ZNF704: variants seen among roughly 807,000 people sequenced by gnomAD.
The protein encoded by ZNF704 is glucocorticoid induced gene 1.
ZNF704 carries 10 observed loss-of-function variants against 44.7 expected under a neutral mutation model. The ratio of observed to expected loss-of-function variants is 0.22; its 90% CI spans 0.14 to 0.38. The LOEUF (loss-of-function observed/expected upper bound fraction) is 0.38, where lower values mean the gene tolerates loss of function less well. Ranked by LOEUF, ZNF704 falls within the 10% of genes least tolerant of loss-of-function variation. The pLI is 1.00. For synonymous variants in ZNF704, 211 were observed against 207.6 expected (o/e 1.02, Z -0.14); for missense variants, 390 against 545.5 (o/e 0.71, Z 2.84).
At position 80,630,944 on chromosome 8, in the gene ZNF704, G is replaced by C. The variant is rs112422257; in HGVS notation, c.*10422C>G. 6.6e-6 allele frequency: 1 copy of C among 152,060 alleles called. No individual in the cohort carries two copies. The highest frequency in any genetic ancestry group is 1.9e-4 in the East Asian group (1 of 5,188). The allele number at this position is 152,060 out of a possible 1,614,324, so 9.4% of individuals were successfully genotyped here. A position where few individuals can be genotyped will look rare whatever the true frequency, so the allele number is the denominator to read the frequency against. ...TTAGTTTACACCCAGGACATTTTCA[G>C]TTATCGAAGTCATGGGACTAGTATG... On this transcript the variant is annotated 3_prime_UTR_variant, in exon 9 of 9. Transcript: ENST00000327835.
chr8:80,834,068 C>T (rs558264576), intron 1 of ZNF704, among the ~76,000 whole-genome samples: 26 of 152,210 alleles, frequency 1.7e-4, no homozygotes, highest in African/African-American at 6.3e-4. Flanking sequence ...GTGGTATATG[C>T]CTGTGGTCCC....
chr8:80,730,127 G>A (rs897484405), intron 2 of ZNF704, among the ~76,000 whole-genome samples: 2 of 152,138 alleles, frequency 1.3e-5, no homozygotes, highest in African/African-American at 4.8e-5. Context: ...AGTCACATGA[G>A]AAGGAAATAG....
Position 80,663,853 on chromosome 8 carries a change from C to T in ZNF704, c.927+962G>A, listed in dbSNP as rs546039080. The stretch of plus-strand genomic sequence containing the variant: ...GGTGATCCTCCCACACCTCAGCCTC[C>T]CAAGTAGCTGGGACTACAGGTACGC... On this transcript the variant is annotated intron_variant, in intron 6 of 8. Coordinates refer to ENST00000327835, the MANE Select transcript of ZNF704 (RefSeq NM_001033723.3). Among the ~76,000 whole-genome samples, 16 of 152,086 alleles carry T rather than the reference C, an allele frequency of 1.1e-4. No homozygotes were observed. In the South Asian group the frequency reaches 3.3e-3, roughly 32 times the overall value.
At chr8:80,881,037 A>G in the ZNF704 span, among the ~76,000 whole-genome samples, 12 of 152,320 alleles carry the variant, frequency 7.9e-5, no homozygotes, top group African/African-American at 2.9e-4. Flanking sequence ...ATGCTTCTCA[A>G]AGACTTAGGT....
intron 4 of ZNF704, among the ~76,000 whole-genome samples, chr8:80,681,014 T>C (rs1818444642): frequency 6.6e-6 from 1 of 152,236 alleles, no homozygotes; most frequent in Non-Finnish European, 1.5e-5. Flanking sequence ...GCATAATGTT[T>C]TTTTTGATTC....
chr8:80,729,597 T>A (rs1806542192), intron 2 of ZNF704, among the ~76,000 whole-genome samples: 1 of 152,182 alleles, frequency 6.6e-6, no homozygotes, highest in Non-Finnish European at 1.5e-5. Flanking sequence ...TCAATCATTT[T>A]TCTGTGAAAA....
In ZNF704 at chr8:80,838,854, C is replaced by T. The variant is rs369082280; in HGVS notation, c.-21-17239G>A. 4.7e-5 allele frequency among the ~76,000 whole-genome samples: 7 copies of T among 149,536 alleles called. No individual in the cohort carries two copies. In the East Asian group the frequency reaches 7.9e-4, roughly 17 times the overall value. On this transcript the variant is annotated intron_variant, in intron 1 of 8. Transcript: ENST00000327835. Reference sequence around the variant, plus strand: ...GCAGAGTGGAGGAGGAAGAGGGGAGCAGACCCCAGTGGTGGCGGAGAAGGA... The same window carrying T: ...GCAGAGTGGAGGAGGAAGAGGGGAGTAGACCCCAGTGGTGGCGGAGAAGGA...
intron 1 of ZNF704, among the ~76,000 whole-genome samples, chr8:80,835,286 T>C (rs1280376972): frequency 6.6e-6 from 1 of 152,192 alleles, no homozygotes; most frequent in Non-Finnish European, 1.5e-5. Context: ...TTCCCAACCA[T>C]ATGGTAAGGA....
intron 2 of ZNF704, among the ~76,000 whole-genome samples, chr8:80,729,410 C>T (rs1181977113): frequency 6.6e-6 from 1 of 151,946 alleles, no homozygotes; most frequent in Admixed American, 6.6e-5. Context: ...TCGTGAGGTG[C>T]CAAGTAAGAT....
intron 1 of ZNF704, among the ~76,000 whole-genome samples, chr8:80,866,879 G>A (rs1413520302): frequency 6.6e-6 from 1 of 152,152 alleles, no homozygotes; most frequent in Non-Finnish European, 1.5e-5. Context: ...CAAGTAGCTA[G>A]GATTACAGGT....
At chr8:80,720,704 A>G (rs1819150052) in intron 2 of ZNF704, among the ~76,000 whole-genome samples, 1 of 152,256 alleles carries the variant, frequency 6.6e-6, no homozygotes. Context: ...TAAAGAAGGA[A>G]ATACCACAAA....
chr8:80,693,185 C>A lies in ZNF704; in HGVS notation c.222-78G>T, dbSNP rs751053405. On this transcript the variant is annotated intron_variant, in intron 2 of 8. Coordinates refer to ENST00000327835, the MANE Select transcript of ZNF704 (RefSeq NM_001033723.3). ...CCACACAAGGTGTGACACGCTGTCACGCATTTACTCCATTAACTTATCCCC... is the reference window on the plus strand; with the variant it reads ...CCACACAAGGTGTGACACGCTGTCAAGCATTTACTCCATTAACTTATCCCC... 11 of 1,194,254 alleles carry A rather than the reference C, an allele frequency of 9.2e-6. No homozygotes were observed. The East Asian group carries it at 2.6e-4, about 28-fold the overall frequency. The allele number at this position is 1,194,254 out of a possible 1,614,324, so 74.0% of individuals were successfully genotyped here. A position where few individuals can be genotyped will look rare whatever the true frequency, so the allele number is the denominator to read the frequency against.
At chr8:80,811,575 A>G (rs1808083311) in intron 2 of ZNF704, among the ~76,000 whole-genome samples, 1 of 152,180 alleles carries the variant, frequency 6.6e-6, no homozygotes, top group Admixed American at 6.5e-5. Flanking sequence ...TAACCCTCAT[A>G]CTGTACCAGG....
chr8:80,839,530 A>C (rs1290528903), intron 1 of ZNF704, among the ~76,000 whole-genome samples: 4 of 152,244 alleles, frequency 2.6e-5, no homozygotes, highest in Admixed American at 2.6e-4. Context: ...GTATTCAAGA[A>C]ATTAGGCAAT....
At chr8:80,743,775 G>A (rs1806802316) in intron 2 of ZNF704, among the ~76,000 whole-genome samples, 1 of 152,192 alleles carries the variant, frequency 6.6e-6, no homozygotes, top group Admixed American at 6.5e-5. Context: ...ATTTCCTCAT[G>A]TGTAACATAG....
At position 80,768,218 on chromosome 8, in the gene ZNF704, A is replaced by C. The variant is rs1360828246; in HGVS notation, c.221+53156T>G. 2.0e-5 allele frequency among the ~76,000 whole-genome samples: 3 copies of C among 152,192 alleles called. No homozygotes were observed. The South Asian group carries it at 6.2e-4, about 31-fold the overall frequency. On this transcript the variant is annotated intron_variant, in intron 2 of 8. Coordinates refer to ENST00000327835, the MANE Select transcript of ZNF704 (RefSeq NM_001033723.3). ...AATCAGATGTCAGAAATGATTCTTT[A>C]ATACTAAGAAACAAGACTACAGTAC...
intron 1 of ZNF704, among the ~76,000 whole-genome samples, chr8:80,855,889 G>C (rs1035926441): frequency 6.6e-6 from 1 of 152,178 alleles, no homozygotes; most frequent in Non-Finnish European, 1.5e-5. Context: ...TACCAGTTTT[G>C]TGTTTTTATT....
At chr8:80,797,047 A>G (rs918632698) in intron 2 of ZNF704, among the ~76,000 whole-genome samples, 7 of 152,226 alleles carry the variant, frequency 4.6e-5, no homozygotes, top group African/African-American at 1.7e-4. Context: ...AGATAGTGGT[A>G]ACAGGCCCCA....
intron 1 of ZNF704, among the ~76,000 whole-genome samples, chr8:80,861,991 CTTTTTTT>C (rs71266093): frequency 2.2e-5 from 2 of 92,996 alleles, no homozygotes; most frequent in East Asian, 2.7e-4. Flanking sequence ...AAAAAATAAC[CTTTTTTT>C]TTTTTTTTTT....
Sources: allele counts gnomAD v4.1 joint callset (sites outside exome capture counted in the v4.1 genomes callset), GRCh38; gene constraint gnomAD v4.1.1; transcripts MANE v1.5; gene names NCBI Gene and HGNC (gene_info 2026-07-23, HGNC 2026-07-21).